FHIT: variants seen among roughly 807,000 people sequenced by gnomAD.
The protein encoded by FHIT is bis(5'-adenosyl)-triphosphatase.
In FHIT, 19 loss-of-function variants were observed where a neutral mutation model predicts 17.9. The ratio of observed to expected loss-of-function variants is 1.06; its 90% confidence interval spans 0.74 to 1.56. The LOEUF (loss-of-function observed/expected upper bound fraction) is 1.56, where lower values mean the gene tolerates loss of function less well. Among genes scored for constraint, FHIT ranks in the 40% most tolerant of loss-of-function variants. FHIT has a pLI of 0.00. For synonymous variants in FHIT, 81 were observed against 69.7 expected (o/e 1.16, Z -0.81); for missense variants, 248 against 189.2 (o/e 1.31, Z -1.82).
intron 2 of FHIT, among the ~76,000 whole-genome samples, chr3:61,175,124 GA>G (rs1189109331): frequency 7.9e-5 from 12 of 151,242 alleles, no homozygotes; most frequent in Non-Finnish European, 1.6e-4. Context: ...TGGCAGAAGG[GA>G]AAAAAAAGCA....
At chr3:60,385,629 G>A (rs964915476) in intron 5 of FHIT, among the ~76,000 whole-genome samples, 2 of 151,996 alleles carry the variant, frequency 1.3e-5, no homozygotes, top group African/African-American at 4.8e-5. Context: ...ATCCAGTCTA[G>A]AGTGCAGTTG....
At chr3:60,520,043 A>T in intron 5 of FHIT, among the ~76,000 whole-genome samples, 1 of 152,162 alleles carries the variant, frequency 6.6e-6, no homozygotes, top group East Asian at 1.9e-4. Flanking sequence ...TTATGCATTT[A>T]TGATTTCATA....
intron 5 of FHIT, among the ~76,000 whole-genome samples, chr3:60,117,508 A>G (rs1705024908): frequency 6.6e-6 from 1 of 150,948 alleles, no homozygotes; most frequent in African/African-American, 2.4e-5. Flanking sequence ...AAAAAAAAAA[A>G]AAAAAAAAAA....
chr3:60,605,760 G>C lies in FHIT; in HGVS notation c.-17-68781C>G, dbSNP rs971845097. On this transcript the variant is annotated intron_variant, in intron 4 of 9. Transcript: ENST00000492590. ...AGGTGCTGTGGGAACACAGCTAATG[G>C]GGCACCTGGTTCTTGCCTATGAGAG... Among the ~76,000 whole-genome samples the C allele has an allele frequency of 3.9e-5, 6 of 152,118 alleles. No individual in the cohort carries two copies. In the East Asian group the frequency reaches 1.2e-3, roughly 29 times the overall value.
chr3:61,023,683 G>C (rs1341675066), intron 3 of FHIT, among the ~76,000 whole-genome samples: 1 of 152,128 alleles, frequency 6.6e-6, no homozygotes, highest in African/African-American at 2.4e-5. Context: ...AGAGGCCTGA[G>C]AAATAACACC....
At chr3:60,377,636 C>A (rs995492355) in intron 5 of FHIT, among the ~76,000 whole-genome samples, 11 of 149,450 alleles carry the variant, frequency 7.4e-5, no homozygotes, top group Non-Finnish European at 1.2e-4. Context: ...CGCCCGCCAC[C>A]GCGCCCGGCT....
intron 5 of FHIT, among the ~76,000 whole-genome samples, chr3:60,185,308 A>G (rs534657969): frequency 6.6e-6 from 1 of 152,314 alleles, no homozygotes; most frequent in Non-Finnish European, 1.5e-5. Flanking sequence ...AACCTTCAGT[A>G]ACAATGATTT....
intron 4 of FHIT, among the ~76,000 whole-genome samples, chr3:60,548,205 C>T (rs2036433810): frequency 6.6e-6 from 1 of 151,818 alleles, no homozygotes; most frequent in Admixed American, 6.6e-5. Context: ...ATTTCTTAAA[C>T]TTGGGAATAT....
At chr3:60,445,603 G>A (rs1214721543) in intron 5 of FHIT, among the ~76,000 whole-genome samples, 1 of 152,080 alleles carries the variant, frequency 6.6e-6, no homozygotes, top group Non-Finnish European at 1.5e-5. Flanking sequence ...AACAGTCTAT[G>A]TCAAAAATGC....
At chr3:60,301,627 C>T (rs902902360) in intron 5 of FHIT, among the ~76,000 whole-genome samples, 1 of 152,288 alleles carries the variant, frequency 6.6e-6, no homozygotes, top group East Asian at 1.9e-4. Context: ...TGTTGGTTCA[C>T]CTTTGCAACA....
intron 4 of FHIT, among the ~76,000 whole-genome samples, chr3:60,776,181 G>GT (rs1700212622): frequency 6.6e-6 from 1 of 152,120 alleles, no homozygotes; most frequent in African/African-American, 2.4e-5. Flanking sequence ...GCAAGGATTT[G>GT]TTTAGCAAAG....
intron 5 of FHIT, among the ~76,000 whole-genome samples, chr3:60,508,758 A>G (rs1297512026): frequency 6.6e-6 from 1 of 152,120 alleles, no homozygotes; most frequent in Non-Finnish European, 1.5e-5. Flanking sequence ...GTTTTCTTTG[A>G]CATCTTAAAG....
intron 7 of FHIT, among the ~76,000 whole-genome samples, chr3:60,006,006 A>G (rs188245774): frequency 2.0e-5 from 3 of 152,164 alleles, no homozygotes; most frequent in African/African-American, 4.8e-5. Flanking sequence ...GGTGTCTGTT[A>G]GGACAGAGTC....
intron 2 of FHIT, among the ~76,000 whole-genome samples, chr3:61,140,205 G>A (rs1483059713): frequency 2.6e-5 from 4 of 152,238 alleles, no homozygotes. Flanking sequence ...TTAAATAATA[G>A]TGATACCTAT....
At chr3:60,823,959 A>G (rs1443986927) in intron 3 of FHIT, among the ~76,000 whole-genome samples, 2 of 152,178 alleles carry the variant, frequency 1.3e-5, no homozygotes, top group Non-Finnish European at 2.9e-5. Flanking sequence ...GGAGGCCAGT[A>G]TGGCTGGAAT....
intron 5 of FHIT, among the ~76,000 whole-genome samples, chr3:60,249,324 C>G (rs1184273260): frequency 6.6e-6 from 1 of 152,058 alleles, no homozygotes; most frequent in Admixed American, 6.6e-5. Flanking sequence ...TCTCATTTGA[C>G]ACACCGAGTA....
chr3:60,860,618 CAT>C lies in FHIT; in HGVS notation c.-110-38609_-110-38608del, dbSNP rs200678096. On this transcript the variant is annotated intron_variant, in intron 3 of 9. Transcript: ENST00000492590. ...ATCAGGTATATATGATACATATGTA[CAT>C]ATATATCAGGTATATATGATACATA... Among the ~76,000 whole-genome samples the C allele has an allele frequency of 1.8e-3, 73 of 41,576 alleles. 9 individuals carry two copies. The highest frequency in any genetic ancestry group is 4.5e-3 in the African/African-American group (65 of 14,458). The allele number at this position is 41,576 out of a possible 152,430, so 27.3% of individuals were successfully genotyped here. A position where few individuals can be genotyped will look rare whatever the true frequency, so the allele number is the denominator to read the frequency against.
At chr3:59,794,197 C>T (rs111699618) in intron 8 of FHIT, among the ~76,000 whole-genome samples, 2,271 of 152,198 alleles carry the variant, frequency 0.015, 59 homozygotes, top group African/African-American at 0.051. Context: ...TAGAACGTAC[C>T]GTTGTCAGAA....
intron 5 of FHIT, among the ~76,000 whole-genome samples, chr3:60,257,867 G>C (rs1226985553): frequency 6.6e-6 from 1 of 152,030 alleles, no homozygotes; most frequent in Non-Finnish European, 1.5e-5. Flanking sequence ...ACACATGGCG[G>C]GAACAAAACA....
Sources: allele counts gnomAD v4.1 joint callset (sites outside exome capture counted in the v4.1 genomes callset), GRCh38; gene constraint gnomAD v4.1.1; transcripts MANE v1.5; gene names NCBI Gene and HGNC (gene_info 2026-07-23, HGNC 2026-07-21).